KANSL1L: variants seen among roughly 807,000 people sequenced by gnomAD.
KANSL1L encodes the protein KAT8 regulatory NSL complex subunit 1 like, also known as KAT8 regulatory NSL complex subunit 1-like protein.
A neutral mutation model predicts 108.6 loss-of-function variants in KANSL1L; 25 were observed. The ratio of observed to expected loss-of-function variants is 0.23; its 90% confidence interval spans 0.17 to 0.32. The LOEUF is 0.32. KANSL1L is among the 10% of genes least tolerant of loss of function. The pLI, the probability that KANSL1L is intolerant of heterozygous loss-of-function variation, is 1.00. For synonymous variants in KANSL1L, 405 were observed against 395.1 expected (o/e 1.03, Z -0.30); for missense variants, 1,137 against 1,125.7 (o/e 1.01, Z -0.14).
intron 1 of KANSL1L, among the ~76,000 whole-genome samples, chr2:210,161,264 AG>A (rs1232242968): frequency 6.6e-6 from 1 of 152,162 alleles, no homozygotes; most frequent in Non-Finnish European, 1.5e-5. Context: ...CTAGGATTAC[AG>A]GGGTGAGCCA....
At position 210,153,547 on chromosome 2, in the gene KANSL1L, T is replaced by C. The variant is rs745849911; in HGVS notation, c.1036A>G (p.Ser346Gly). The change falls in exon 2 of 15, where the codon AGC (serine) becomes GGC (glycine). Residue 346 changes from serine to glycine, a missense_variant. This residue lies in a region of KANSL1L where 556 missense variants were observed against 537.7 expected (regional missense o/e 1.03). Transcript: ENST00000281772. Reference protein sequence around the residue: ...EEGLDSDATDSSSDDDLDEYT... With the variant: ...EEGLDSDATDGSSDDDLDEYT... ...TCATCCAAATCGTCATCAGAGCTGCTATCAGTTGCATCGGAATCCAAACCC... is the reference window on the plus strand; with the variant it reads ...TCATCCAAATCGTCATCAGAGCTGCCATCAGTTGCATCGGAATCCAAACCC... The C allele has an allele frequency of 3.7e-6, 6 of 1,614,136 alleles. No individual in the cohort carries two copies. The highest frequency in any genetic ancestry group is 3.3e-5 in the South Asian group (3 of 91,082).
intron 6 of KANSL1L, among the ~76,000 whole-genome samples, chr2:210,048,571 GTATA>G (rs1269303419): frequency 6.6e-6 from 1 of 151,368 alleles, no homozygotes; most frequent in Non-Finnish European, 1.5e-5. Flanking sequence ...ATATATGTGT[GTATA>G]TATATATACA....
intron 5 of KANSL1L, among the ~76,000 whole-genome samples, chr2:210,081,080 C>T (rs1264106426): frequency 6.6e-6 from 1 of 152,062 alleles, no homozygotes; most frequent in Non-Finnish European, 1.5e-5. Context: ...GCACTCCAGC[C>T]TGGGCAACAG....
At chr2:210,123,775 T>C (rs1378421228) in intron 3 of KANSL1L, among the ~76,000 whole-genome samples, 1 of 151,886 alleles carries the variant, frequency 6.6e-6, no homozygotes, top group East Asian at 1.9e-4. Context: ...TGTCAAAATA[T>C]CTCACGTACC....
chr2:210,074,471 A>AG (rs922589960), intron 6 of KANSL1L, among the ~76,000 whole-genome samples: 25 of 152,228 alleles, frequency 1.6e-4, no homozygotes, highest in Non-Finnish European at 5.9e-5. Flanking sequence ...ATGGGATTAC[A>AG]GGCACCGCCA....
At chr2:210,131,369 A>C (rs1318228448) in intron 2 of KANSL1L, among the ~76,000 whole-genome samples, 2 of 152,200 alleles carry the variant, frequency 1.3e-5, no homozygotes, top group Admixed American at 1.3e-4. Context: ...GGACTTGCAG[A>C]AGTATGGCAT....
chr2:210,122,032 A>AGAGG (rs1559576956), intron 3 of KANSL1L, among the ~76,000 whole-genome samples: 1 of 152,192 alleles, frequency 6.6e-6, no homozygotes, highest in African/African-American at 2.4e-5. Flanking sequence ...AAGAAACTGA[A>AGAGG]GAGGATACAC....
chr2:210,073,671 T>C (rs191786929), intron 6 of KANSL1L, among the ~76,000 whole-genome samples: 1 of 152,258 alleles, frequency 6.6e-6, no homozygotes, highest in Non-Finnish European at 1.5e-5. Context: ...CAGAAAGTTC[T>C]ATGGTTCTCA....
At chr2:210,088,138 T>C (rs899052257) in intron 5 of KANSL1L, 1 of 152,234 alleles carries the variant, frequency 6.6e-6, no homozygotes, top group African/African-American at 2.4e-5. Flanking sequence ...TATACAGCTA[T>C]TTATCTCAGT....
intron 6 of KANSL1L, 72 bp downstream of exon 6, chr2:210,075,480 T>G: frequency 3.0e-6 from 3 of 983,826 alleles, no homozygotes; most frequent in Non-Finnish European, 4.8e-6. Context: ...AATAACAATC[T>G]ACATCTTCTC....
intron 7 of KANSL1L, 39 bp from the exon 8 acceptor site, chr2:210,040,566 C>CTCTT: frequency 1.1e-6 from 1 of 895,880 alleles, no homozygotes; most frequent in Non-Finnish European, 1.7e-6. Context: ...TCAAATACCA[C>CTCTT]TCTTTGTAAT....
At chr2:210,045,360 G>T (rs908508236) in intron 6 of KANSL1L, among the ~76,000 whole-genome samples, 1 of 151,960 alleles carries the variant, frequency 6.6e-6, no homozygotes, top group Non-Finnish European at 1.5e-5. Context: ...GGCCTTTACA[G>T]TATAATACAA....
intron 2 of KANSL1L, among the ~76,000 whole-genome samples, chr2:210,150,916 C>T (rs2095298670): frequency 6.6e-6 from 1 of 151,988 alleles, no homozygotes; most frequent in African/African-American, 2.4e-5. Context: ...GGACAAAACA[C>T]AATTTAATGA....
At chr2:210,165,972 C>G (rs939206276) in intron 1 of KANSL1L, among the ~76,000 whole-genome samples, 1 of 152,112 alleles carries the variant, frequency 6.6e-6, no homozygotes, top group Non-Finnish European at 1.5e-5. Context: ...TAATCTTTTA[C>G]TATGCCTAAT....
chr2:210,097,231 A>C (rs2094745766), intron 5 of KANSL1L: 1 of 971,408 alleles, frequency 1.0e-6, no homozygotes, highest in Non-Finnish European at 1.2e-6. Context: ...TACATCCACT[A>C]ATTTCACAAA....
chr2:210,155,649 T>C (rs144803801), intron 1 of KANSL1L, among the ~76,000 whole-genome samples: 3 of 152,304 alleles, frequency 2.0e-5, no homozygotes, highest in African/African-American at 4.8e-5. Flanking sequence ...ACAAATTTCA[T>C]TGCATATTAT....
At chr2:210,137,875 A>G (rs1559592482) in intron 2 of KANSL1L, among the ~76,000 whole-genome samples, 1 of 152,152 alleles carries the variant, frequency 6.6e-6, no homozygotes, top group Admixed American at 6.5e-5. Context: ...TACAAAAAAC[A>G]GAAAAATTAG....
Position 210,114,675 on chromosome 2 carries a change from T to A in KANSL1L, c.1231-10374A>T, listed in dbSNP as rs544247391. Among the ~76,000 whole-genome samples the A allele has an allele frequency of 2.2e-3, 333 of 152,148 alleles. 4 individuals are homozygous for A. Among genetic ancestry groups the A allele is most frequent in the African/African-American group, 7.6e-3 (316 of 41,534 alleles). On this transcript the variant is annotated intron_variant, in intron 3 of 14. Transcript: ENST00000281772. ...AAAGCTAGACTTGTGGTAACTTTGGTTTGCAGCTCCACATTTTGTTTTCTA... is the reference window on the plus strand; with the variant it reads ...AAAGCTAGACTTGTGGTAACTTTGGATTGCAGCTCCACATTTTGTTTTCTA...
chr2:210,141,527 C>A (rs1392536653), intron 2 of KANSL1L, among the ~76,000 whole-genome samples: 1 of 152,136 alleles, frequency 6.6e-6, no homozygotes, highest in Non-Finnish European at 1.5e-5. Context: ...AACAAGCCCT[C>A]ACCTAACACT....
Sources: allele counts gnomAD v4.1 joint callset (sites outside exome capture counted in the v4.1 genomes callset), GRCh38; gene constraint gnomAD v4.1.1; regional missense constraint gnomAD v4.1.1; transcripts MANE v1.5; gene names NCBI Gene and HGNC (gene_info 2026-07-23, HGNC 2026-07-21).